NFASC: variants seen among roughly 807,000 people sequenced by gnomAD.
NFASC encodes neurofascin, also known as neurofascin homolog.
In NFASC, 43 loss-of-function variants were observed where a neutral mutation model predicts 147.5. That is an observed-to-expected ratio of 0.29 (90% CI 0.23 to 0.38). The LOEUF is 0.38. Among genes scored for constraint, NFASC ranks in the 10% least tolerant of loss-of-function variants. The pLI is 1.00. For synonymous variants in NFASC, 622 were observed against 665.5 expected (o/e 0.93, Z 1.01); for missense variants, 1,320 against 1,689.0 (o/e 0.78, Z 3.83).
rs764605523 is a variant in NFASC at position 204,997,287 on chromosome 1, C to T, written c.2900C>T (p.Ala967Val). 1.4e-5 allele frequency: 22 copies of T among 1,610,024 alleles called. No homozygotes were observed. Among genetic ancestry groups the T allele is most frequent in the Admixed American group, 1.3e-4 (8 of 59,484 alleles). ...ATTVPIIPTV[A>V]PTTIATTTTV... Reference sequence around the variant, plus strand: ...ACAGTCCCCATCATCCCAACTGTCGCACCTACCACCATCGCCACCACCACC... The same window carrying T: ...ACAGTCCCCATCATCCCAACTGTCGTACCTACCACCATCGCCACCACCACC... The change falls in exon 25 of 30, where the codon GCA (alanine) becomes GTA (valine). Residue 967 changes from alanine to valine, a missense_variant. Physicochemically the swap from Ala to Val is moderately conservative, Grantham distance 64. Transcript: ENST00000339876.
intron 1 of NFASC, among the ~76,000 whole-genome samples, chr1:204,850,692 C>T (rs113781702): frequency 7.9e-5 from 12 of 152,226 alleles, no homozygotes; most frequent in African/African-American, 2.9e-4. Context: ...TCCTGTTCAC[C>T]TTCCGCCATG....
chr1:204,943,902 C>T (rs1405855370), intron 2 of NFASC, among the ~76,000 whole-genome samples: 1 of 152,214 alleles, frequency 6.6e-6, no homozygotes, highest in Admixed American at 6.5e-5. Flanking sequence ...TGGTTTTCAG[C>T]TGGGAGTTTT....
At chr1:204,847,931 T>A (rs1179511730) in intron 1 of NFASC, among the ~76,000 whole-genome samples, 2 of 152,224 alleles carry the variant, frequency 1.3e-5, no homozygotes, top group African/African-American at 2.4e-5. Context: ...TCACAGTTAA[T>A]GGTGTTGATA....
At chr1:204,916,335 A>G (rs1471442256) in intron 1 of NFASC, among the ~76,000 whole-genome samples, 1 of 152,222 alleles carries the variant, frequency 6.6e-6, no homozygotes, top group East Asian at 1.9e-4. Context: ...ACTTTTAACT[A>G]ACCCTAAAGT....
At chr1:204,906,736 G>A (rs2759279) in intron 1 of NFASC, among the ~76,000 whole-genome samples, 1,513 of 150,684 alleles carry the variant, frequency 0.01, 24 homozygotes, top group African/African-American at 0.033. Flanking sequence ...AGGCTGGAGT[G>A]CAGTGGCGCG....
At chr1:204,877,269 A>T (rs1289926249) in intron 1 of NFASC, among the ~76,000 whole-genome samples, 1 of 151,644 alleles carries the variant, frequency 6.6e-6, no homozygotes, top group African/African-American at 2.4e-5. Flanking sequence ...GAGACTTAAC[A>T]TTTAAACGCA....
chr1:204,975,528 A>T lies in NFASC; in HGVS notation c.1706+110A>T. 1 of 1,420,780 alleles carries T rather than the reference A, an allele frequency of 7.0e-7. No individual in the cohort carries two copies. The highest frequency in any genetic ancestry group is 1.3e-5 in the South Asian group (1 of 76,904). The allele number at this position is 1,420,780 out of a possible 1,614,324, so 88.0% of individuals were successfully genotyped here. ...CAGGGACAGGGAACCCGTGTCATGCATGTCACCAAGGAGCTTCTGCAGAGG... is the reference window on the plus strand; with the variant it reads ...CAGGGACAGGGAACCCGTGTCATGCTTGTCACCAAGGAGCTTCTGCAGAGG... On this transcript the variant is annotated intron_variant, in intron 15 of 29. Transcript: ENST00000339876. This position sits in a 1 kb window ranked among gnomAD's most constrained non-coding sequence, Gnocchi z 4.0.
intron 1 of NFASC, among the ~76,000 whole-genome samples, chr1:204,858,822 A>C (rs11582315): frequency 6.6e-6 from 1 of 151,338 alleles, no homozygotes; most frequent in Non-Finnish European, 1.5e-5. Flanking sequence ...CGTAACCCTG[A>C]CTCTTCTTTC....
rs2079776276 is a variant in NFASC, at chr1:204,879,776, TG to T, written c.-199-40853del. On this transcript the variant is annotated intron_variant, in intron 1 of 29. Coordinates refer to ENST00000339876, the MANE Select transcript of NFASC (RefSeq NM_001005388.3). ...AAGGATGGAGAGAAAGGAATTCAGC[TG>T]GGTTTGTTTGTTCTGCTTTTATTTA... 6.6e-5 allele frequency among the ~76,000 whole-genome samples: 10 copies of T among 152,342 alleles called. No homozygotes were observed. The South Asian group carries it at 2.1e-3, about 32-fold the overall frequency.
intron 8 of NFASC, among the ~76,000 whole-genome samples, chr1:204,958,598 G>A (rs144767893): frequency 1.3e-4 from 20 of 152,308 alleles, no homozygotes; most frequent in Non-Finnish European, 1.9e-4. Context: ...CACTCAGGAC[G>A]TTGGAAGTTG....
chr1:204,877,060 T>A lies in NFASC; in HGVS notation c.-199-43572T>A, dbSNP rs6661362. On this transcript the variant is annotated intron_variant, in intron 1 of 29. Transcript: ENST00000339876. ...ATTTATATATATATAATATATTTAT[T>A]TATATATTTATATATATATAATATA... Among the ~76,000 whole-genome samples, 60 of 88,686 alleles carry A rather than the reference T, an allele frequency of 6.8e-4. 5 individuals carry two copies. In the East Asian group the frequency reaches 8.2e-3, roughly 12 times the overall value. 58.2% of individuals were successfully genotyped at this position (88,686 alleles called of 152,430 possible). A position where few individuals can be genotyped will look rare whatever the true frequency, so the allele number is the denominator to read the frequency against.
Position 204,974,105 on chromosome 1 carries a change from A to G in NFASC, c.1280-74A>G, listed in dbSNP as rs1240650621. 4 of 1,200,654 alleles carry G rather than the reference A, an allele frequency of 3.3e-6. No individual in the cohort carries two copies. The African/African-American group carries it at 4.5e-5, about 14-fold the overall frequency. The allele number at this position is 1,200,654 out of a possible 1,614,324, so 74.4% of individuals were successfully genotyped here. The stretch of plus-strand genomic sequence containing the variant: ...AAGCTGCTGTAAGCAGAAGGCATGC[A>G]GAGGTGAGACCGAGGGGGAAGAGAT... On this transcript the variant is annotated intron_variant, in intron 12 of 29. Coordinates refer to ENST00000339876, the MANE Select transcript of NFASC (RefSeq NM_001005388.3).
At chr1:204,910,808 A>G (rs1376929527) in intron 1 of NFASC, among the ~76,000 whole-genome samples, 3 of 146,522 alleles carry the variant, frequency 2.0e-5, no homozygotes, top group African/African-American at 5.0e-5. Flanking sequence ...CTGGCCTCAT[A>G]TATTAGTTCC....
rs147387188 is a variant in NFASC at position 204,954,278 on chromosome 1, C to G, written c.306C>G (p.Asp102Glu). 1 of 1,614,132 alleles carries G rather than the reference C, an allele frequency of 6.2e-7. No individual in the cohort carries two copies. The highest frequency in any genetic ancestry group is 8.5e-7 in the Non-Finnish European group (1 of 1,180,052). ...MRRRSGTLVI[D>E]FRSGGRPEEY... ...GGAGGTCTGGGACCCTGGTGATTGACTTCCGCAGTGGCGGGCGGCCGGAGG... is the reference window on the plus strand; with the variant it reads ...GGAGGTCTGGGACCCTGGTGATTGAGTTCCGCAGTGGCGGGCGGCCGGAGG... Residue 102 changes from aspartate (D) to glutamate (E), a missense_variant, in exon 6 of 30, where the codon GAC becomes GAG. By Grantham distance (45) the Asp-to-Glu change is conservative (BLOSUM62 2). Coordinates refer to ENST00000339876, the MANE Select transcript of NFASC (RefSeq NM_001005388.3). This position sits in a 1 kb window ranked among gnomAD's most constrained non-coding sequence, Gnocchi z 5.7.
At chr1:204,971,337 G>A (rs770107785) in intron 11 of NFASC, among the ~76,000 whole-genome samples, 1 of 152,210 alleles carries the variant, frequency 6.6e-6, no homozygotes, top group Non-Finnish European at 1.5e-5. Context: ...ATGACTCCAA[G>A]ACCCCTTATA....
At chr1:204,888,606 A>G (rs927452005) in intron 1 of NFASC, among the ~76,000 whole-genome samples, 1 of 152,236 alleles carries the variant, frequency 6.6e-6, no homozygotes, top group African/African-American at 2.4e-5. Flanking sequence ...GGCACTGAGC[A>G]CAAGTGACCT....
Position 204,942,971 on chromosome 1 carries a change from C to G in NFASC, c.-90-1255C>G, listed in dbSNP as rs77231475. ...CCTTGTCTCCCAGGATCTCTCGCCC[C>G]CTCAGAGAGCAGGCACTGGAGTCCT... On this transcript the variant is annotated intron_variant, in intron 2 of 29. Coordinates refer to ENST00000339876, the MANE Select transcript of NFASC (RefSeq NM_001005388.3). 2.3e-3 allele frequency among the ~76,000 whole-genome samples: 350 copies of G among 152,306 alleles called. 1 individual carries two copies. The highest frequency in any genetic ancestry group is 4.2e-3 in the Non-Finnish European group (284 of 68,012).
At chr1:204,854,994 T>C (rs2076027320) in intron 1 of NFASC, among the ~76,000 whole-genome samples, 1 of 152,216 alleles carries the variant, frequency 6.6e-6, no homozygotes, top group Non-Finnish European at 1.5e-5. Flanking sequence ...CTCTTTTACT[T>C]GCATTGGAGA....
At chr1:204,842,557 G>A (rs564290003) in intron 1 of NFASC, among the ~76,000 whole-genome samples, 104 of 152,280 alleles carry the variant, frequency 6.8e-4, no homozygotes, top group Admixed American at 1.4e-3. Context: ...CTTCCAGTTA[G>A]GCCTGGGCCC....
Sources: gnomAD v4.1 joint callset for allele counts (sites outside exome capture counted in the v4.1 genomes callset) on GRCh38, gnomAD v4.1.1 for gene constraint, Gnocchi (gnomAD v3.1) non-coding constraint, MANE v1.5 for transcripts, NCBI Gene and HGNC (gene_info 2026-07-23, HGNC 2026-07-21) for gene names.